ODAD3: variants seen among roughly 807,000 people sequenced by gnomAD.
ODAD3 encodes outer dynein arm docking complex subunit 3.
Under a neutral mutation model 70.9 loss-of-function variants are expected in ODAD3, and 57 were observed. That is an observed-to-expected ratio of 0.80 (90% CI 0.65 to 1.00). The LOEUF (loss-of-function observed/expected upper bound fraction) is 1.00. ODAD3 is among the 50% of genes least tolerant of loss of function. ODAD3 has a pLI of 0.00. For synonymous variants in ODAD3, 327 were observed against 315.9 expected, an observed-to-expected ratio of 1.04 and a Z score of -0.37; for missense variants, 797 against 763.9, an observed-to-expected ratio of 1.04 and a Z score of -0.51.
intron 8 of ODAD3, among the ~76,000 whole-genome samples, chr19:11,423,424 G>T (rs149240140): frequency 0.052 from 7,975 of 152,250 alleles, 243 homozygotes; most frequent in Middle Eastern, 0.092. Context: ...GGGGGACACA[G>T]CGGTCTTAGA....
At chr19:11,424,979 G>A (rs1425395585) in intron 7 of ODAD3, among the ~76,000 whole-genome samples, 6 of 130,536 alleles carry the variant, frequency 4.6e-5, no homozygotes, top group Non-Finnish European at 4.8e-5. Flanking sequence ...ATGTATATAT[G>A]TGTATATGTA....
intron 3 of ODAD3, among the ~76,000 whole-genome samples, chr19:11,429,172 C>T (rs1969451841): frequency 6.6e-6 from 1 of 151,984 alleles, no homozygotes; most frequent in South Asian, 2.1e-4. Flanking sequence ...AGCCACCGCG[C>T]CCGGCCTTTA....
chr19:11,426,923 G>T lies in ODAD3; in HGVS notation c.562C>A (p.Arg188Ser). ...TGCGCCTCCGCCATCTCCAGAAGGC[G>T]CAGGCTGTGCTGCAGCTGGAGCTCC... ...LEELQLQHSL[R>S]LLEMAEAQNR... Residue 188 changes from arginine (R) to serine (S), a missense_variant, in exon 4 of 13, where the codon CGC becomes AGC. Arg to Ser is a moderately radical substitution (Grantham distance 110, BLOSUM62 -1). Transcript: ENST00000356392. 1.2e-6 allele frequency: 2 copies of T among 1,610,140 alleles called. No homozygotes were observed. Among genetic ancestry groups the T allele is most frequent in the Non-Finnish European group, 1.7e-6 (2 of 1,179,062 alleles).
intron 3 of ODAD3, chr19:11,430,444 T>G: frequency 6.0e-6 from 2 of 332,010 alleles, no homozygotes; most frequent in Admixed American, 4.7e-5. Flanking sequence ...GGCTGTGATG[T>G]TTTTTTTTTT....
In ODAD3 at chr19:11,426,281, G is replaced by A. The variant is rs751622739; in HGVS notation, c.841-15C>T. 1 of 1,613,390 alleles carries A rather than the reference G, an allele frequency of 6.2e-7. No homozygotes were observed. Among genetic ancestry groups the A allele is most frequent in the Admixed American group, 1.7e-5 (1 of 59,956 alleles). On this transcript the variant is annotated splice_polypyrimidine_tract_variant and intron_variant, in intron 6 of 12. Transcript: ENST00000356392. The stretch of plus-strand genomic sequence containing the variant: ...TGCAGCTGGTTCTGGAGGGCGGGCA[G>A]GGTAGCAGGGAGACCAGCTGGCACC...
In ODAD3 at chr19:11,425,465, A is replaced by G. The variant is rs1002988797; in HGVS notation, c.963+679T>C. On this transcript the variant is annotated intron_variant, in intron 7 of 12. Coordinates refer to ENST00000356392, the MANE Select transcript of ODAD3 (RefSeq NM_145045.5). ...TGTATATATACATATATGTGTGTGT[A>G]TATATGTATATATGTGTGTATATAT... 3.2e-3 allele frequency among the ~76,000 whole-genome samples: 423 copies of G among 132,214 alleles called. 11 individuals carry two copies. The highest frequency in any genetic ancestry group is 0.012 in the African/African-American group (365 of 29,406). 86.7% of individuals were successfully genotyped at this position (132,214 alleles called of 152,430 possible).
intron 8 of ODAD3, among the ~76,000 whole-genome samples, 159 bp downstream of exon 8, chr19:11,423,718 G>GA (rs1296209519): frequency 6.6e-6 from 1 of 151,950 alleles, no homozygotes; most frequent in Non-Finnish European, 1.5e-5. Flanking sequence ...GCTGGAGGGG[G>GA]AAGGGATGTT....
In ODAD3 at chr19:11,421,119, C is replaced by T. The variant is rs1463917333; in HGVS notation, c.1675+9G>A. On this transcript the variant is annotated intron_variant, in intron 12 of 12. Coordinates refer to ENST00000356392, the MANE Select transcript of ODAD3 (RefSeq NM_145045.5). Reference sequence around the variant, plus strand: ...AACCGCACCCCTTCATCCCCCCACCCATACTGACCAAAAAACTTGTCCTTG... The same window carrying T: ...AACCGCACCCCTTCATCCCCCCACCTATACTGACCAAAAAACTTGTCCTTG... 2 of 1,613,460 alleles carry T rather than the reference C, an allele frequency of 1.2e-6. No individual in the cohort carries two copies. The highest frequency in any genetic ancestry group is 2.2e-5 in the South Asian group (2 of 90,986).
chr19:11,429,085 G>A (rs1303858611), intron 3 of ODAD3, among the ~76,000 whole-genome samples: 1 of 150,942 alleles, frequency 6.6e-6, no homozygotes, highest in East Asian at 2.0e-4. Flanking sequence ...CGCCATGTTG[G>A]CCAGGCTGGT....
chr19:11,424,641 G>A (rs1237818872), intron 7 of ODAD3, among the ~76,000 whole-genome samples: 1 of 111,774 alleles, frequency 8.9e-6, no homozygotes, highest in African/African-American at 4.8e-5. Context: ...GTATATATGT[G>A]TATATATACC....
At chr19:11,421,328 C>CCA in intron 11 of ODAD3, 116 bp from the exon 12 acceptor site, 1 of 911,346 alleles carries the variant, frequency 1.1e-6, no homozygotes, top group Admixed American at 2.6e-5. Context: ...CAACTGGAGA[C>CCA]CACTGCCCAC....
In ODAD3 at chr19:11,422,453, C is replaced by G. The variant is rs750751804; in HGVS notation, c.1434+18G>C. 6 of 1,555,624 alleles carry G rather than the reference C, an allele frequency of 3.9e-6. No individual in the cohort carries two copies. In the East Asian group the frequency reaches 1.4e-4, roughly 36 times the overall value. ...GTCCCAGGAGGGCCTGTCGGGGCTT[C>G]CCCTGGGCGGGGCCTACCACAGTGA... On this transcript the variant is annotated intron_variant, in intron 10 of 12. Coordinates refer to ENST00000356392, the MANE Select transcript of ODAD3 (RefSeq NM_145045.5). This position sits in a 1 kb window ranked among gnomAD's most constrained non-coding sequence, Gnocchi z 4.6.
At position 11,421,156 on chromosome 19, in the gene ODAD3, G is replaced by T; in HGVS notation, c.1647C>A (p.Pro549=). 1 of 1,613,704 alleles carries T rather than the reference G, an allele frequency of 6.2e-7. No homozygotes were observed. Among genetic ancestry groups the T allele is most frequent in the Non-Finnish European group, 8.5e-7 (1 of 1,179,948 alleles). The stretch of plus-strand genomic sequence containing the variant: ...AAAACTTGTCCTTGGAAGTGGCAAG[G>T]GGCAGGGCGATGCGGGTGTTGTATT... The part of the protein sequence containing the change: ...LPEYNTRIAL[P]LATSKDKFFD... The change falls in exon 12 of 13, where the codon CCC becomes CCA. Residue 549 remains proline, a synonymous_variant. Coordinates refer to ENST00000356392, the MANE Select transcript of ODAD3 (RefSeq NM_145045.5).
chr19:11,434,191 C>T lies in ODAD3; in HGVS notation c.244+582G>A, dbSNP rs139466757. ...TCATGCCACTGCTCTCCAGCCTAGGCGACAGAGCAAGACCCTGTCTCAAAA... is the reference window on the plus strand; with the variant it reads ...TCATGCCACTGCTCTCCAGCCTAGGTGACAGAGCAAGACCCTGTCTCAAAA... On this transcript the variant is annotated intron_variant, in intron 1 of 12. Transcript: ENST00000356392. Among the ~76,000 whole-genome samples, 232 of 138,006 alleles carry T rather than the reference C, an allele frequency of 1.7e-3. 1 individual carries two copies. The highest frequency in any genetic ancestry group is 6.0e-3 in the African/African-American group (214 of 35,410). The allele number at this position is 138,006 out of a possible 152,430, so 90.5% of individuals were successfully genotyped here.
At chr19:11,424,259 T>C (rs944738812) in intron 7 of ODAD3, among the ~76,000 whole-genome samples, 2 of 151,958 alleles carry the variant, frequency 1.3e-5, no homozygotes, top group Non-Finnish European at 2.9e-5. Context: ...ATTCCAGTAC[T>C]TTAGGAGGCT....
At position 11,422,437 on chromosome 19, in the gene ODAD3, G is replaced by A; in HGVS notation, c.1434+34C>T. 1.3e-6 allele frequency: 2 copies of A among 1,525,322 alleles called. No homozygotes were observed. The highest frequency in any genetic ancestry group is 2.1e-5 in the Admixed American group (1 of 47,890). The allele number at this position is 1,525,322 out of a possible 1,614,324, so 94.5% of individuals were successfully genotyped here. On this transcript the variant is annotated intron_variant, in intron 10 of 12. Coordinates refer to ENST00000356392, the MANE Select transcript of ODAD3 (RefSeq NM_145045.5). This position sits in a 1 kb window ranked among gnomAD's most constrained non-coding sequence, Gnocchi z 4.6. ...TGGCTGCGCCTCTGCGGTCCCAGGA[G>A]GGCCTGTCGGGGCTTCCCCTGGGCG...
intron 7 of ODAD3, among the ~76,000 whole-genome samples, chr19:11,425,599 A>G (rs1240522486): frequency 6.5e-5 from 9 of 138,152 alleles, no homozygotes; most frequent in Non-Finnish European, 1.0e-4. Context: ...ATATGTGTAT[A>G]TATGTGTGTG....
intron 1 of ODAD3, 35 bp downstream of exon 1, chr19:11,434,737 AC>A (rs1568356430): frequency 6.4e-7 from 1 of 1,573,542 alleles, no homozygotes; most frequent in Non-Finnish European, 8.7e-7. Flanking sequence ...GGCACTGTTG[AC>A]CCCTGACCCT....
intron 1 of ODAD3, 184 bp from the exon 2 acceptor site, chr19:11,431,204 C>T (rs1301531426): frequency 1.2e-5 from 8 of 671,198 alleles, no homozygotes; most frequent in South Asian, 5.9e-5. Flanking sequence ...CTCCGCCTCC[C>T]GGGTTCAAGA....
Sources: allele counts gnomAD v4.1 joint callset (sites outside exome capture counted in the v4.1 genomes callset), GRCh38; gene constraint gnomAD v4.1.1; non-coding constraint Gnocchi (gnomAD v3.1); transcripts MANE v1.5; gene names NCBI Gene and HGNC (gene_info 2026-07-23, HGNC 2026-07-21).